SEC16A: variants seen among roughly 807,000 people sequenced by gnomAD.
The protein encoded by SEC16A is SEC16 homolog A, endoplasmic reticulum export factor.
Under a neutral mutation model 221.9 loss-of-function variants are expected in SEC16A, and 110 were observed. That is an observed-to-expected ratio of 0.50 (90% CI 0.42 to 0.58). The LOEUF (loss-of-function observed/expected upper bound fraction) is 0.58, where lower values mean the gene tolerates loss of function less well. SEC16A is among the 20% of genes least tolerant of loss of function. The pLI, the probability that SEC16A is intolerant of heterozygous loss-of-function variation, is 0.00. For synonymous variants in SEC16A, 1,393 were observed against 1,257.7 expected, an observed-to-expected ratio of 1.11 and a Z score of -2.28; for missense variants, 3,165 against 3,097.8, an observed-to-expected ratio of 1.02 and a Z score of -0.52.
chr9:136,452,250 C>G (rs1232224962), intron 22 of SEC16A, among the ~76,000 whole-genome samples: 1 of 149,436 alleles, frequency 6.7e-6, no homozygotes, highest in Non-Finnish European at 1.5e-5. Flanking sequence ...AGTTCAAGAT[C>G]AGCCTGGCCA....
chr9:136,457,639 G>A (rs140640821), intron 17 of SEC16A, 55 bp from the exon 18 acceptor site: 177 of 1,563,240 alleles, frequency 1.1e-4, no homozygotes, highest in African/African-American at 1.5e-4. Context: ...GAGCATCGCC[G>A]ATGGACAAAG....
chr9:136,479,852 A>C (rs1842101150), intron 1 of SEC16A, among the ~76,000 whole-genome samples: 1 of 152,016 alleles, frequency 6.6e-6, no homozygotes, highest in Admixed American at 6.6e-5. Flanking sequence ...ACCAAAAAAA[A>C]AATGCCGGTC....
At position 136,471,632 on chromosome 9, in the gene SEC16A, T is replaced by C. The variant is rs896572989; in HGVS notation, c.3704+343A>G. Among the ~76,000 whole-genome samples, 6 of 152,068 alleles carry C rather than the reference T, an allele frequency of 3.9e-5. No homozygotes were observed. In the East Asian group the frequency reaches 1.2e-3, roughly 29 times the overall value. ...TCTCTGGGGAGCCTGAACACCCCAT[T>C]AGCAAATGGCCGGACCAACAGACGT... is the stretch of plus-strand genomic sequence containing the variant. On this transcript the variant is annotated intron_variant, in intron 4 of 31. Coordinates refer to ENST00000684901, the MANE Select transcript of SEC16A (RefSeq NM_014866.2).
At chr9:136,450,997 G>A (rs1309960378) in intron 23 of SEC16A, among the ~76,000 whole-genome samples, 2 of 152,330 alleles carry the variant, frequency 1.3e-5, no homozygotes, top group East Asian at 3.9e-4. Flanking sequence ...CCTTGCGGGT[G>A]GGTCTGACAG....
At chr9:136,472,757 T>G (rs922685809) in intron 3 of SEC16A, among the ~76,000 whole-genome samples, 1 of 152,238 alleles carries the variant, frequency 6.6e-6, no homozygotes, top group Non-Finnish European at 1.5e-5. Context: ...GAATTCACGC[T>G]TAAGCGCCTC....
In SEC16A at chr9:136,451,341, G is replaced by T; in HGVS notation, c.6227C>A (p.Thr2076Lys). 1.9e-6 allele frequency: 3 copies of T among 1,613,772 alleles called. No individual in the cohort carries two copies. Among genetic ancestry groups the T allele is most frequent in the African/African-American group, 1.3e-5 (1 of 75,068 alleles). The change falls in exon 23 of 32, where the codon ACG (threonine) becomes AAG (lysine). Residue 2076 changes from threonine (T) to lysine (K), a missense_variant. By Grantham distance (78) the Thr-to-Lys change is moderately conservative (BLOSUM62 -1). This residue lies in a region of SEC16A where 1,088 missense variants were observed against 1,089.6 expected (regional missense o/e 1.00). Transcript: ENST00000684901. ...GGGTGAGAGAGACAGAGGTGGCTGC[G>T]TGGGACCCGAGTCGGCACGATCCCA... Reference protein sequence around the residue: ...PGWDRADSGPTQPPLSLSPAP... With the variant: ...PGWDRADSGPKQPPLSLSPAP...
Position 136,475,329 on chromosome 9 carries a change from CT to C in SEC16A, c.2286del (p.Glu763ArgfsTer67), listed in dbSNP as rs759863685. On this transcript the variant is annotated frameshift_variant, in exon 3 of 32. Coordinates refer to ENST00000684901, the MANE Select transcript of SEC16A (RefSeq NM_014866.2). LOFTEE classifies it high-confidence loss of function. The surrounding 1 kb of genome is among the most constrained non-coding windows in gnomAD (Gnocchi z 5.0). The part of the protein sequence containing the change: ...KPQPPVVQPP[E>X]EAMSGQQSRN... Reference sequence around the variant, plus strand: ...CGTGACTGCTGCCCGGACATCGCCTCTTCTGGAGGCTGAACAACAGGTGGCT... The same window carrying C: ...CGTGACTGCTGCCCGGACATCGCCTCTCTGGAGGCTGAACAACAGGTGGCT... 1 of 1,611,720 alleles carries C rather than the reference CT, an allele frequency of 6.2e-7. No homozygotes were observed. Among genetic ancestry groups the C allele is most frequent in the Admixed American group, 1.7e-5 (1 of 59,926 alleles).
At chr9:136,460,802 A>G (rs1423140610) in intron 13 of SEC16A, among the ~76,000 whole-genome samples, 2 of 152,036 alleles carry the variant, frequency 1.3e-5, no homozygotes, top group Non-Finnish European at 2.9e-5. Flanking sequence ...GGTCTCAACT[A>G]CTTGGGAGGC....
chr9:136,473,267 T>C (rs1588992741), intron 3 of SEC16A, among the ~76,000 whole-genome samples: 1 of 152,242 alleles, frequency 6.6e-6, no homozygotes, highest in African/African-American at 2.4e-5. Flanking sequence ...GGTTTTCCAA[T>C]TCCCTATCAC....
chr9:136,461,139 A>G (rs2132342335), intron 13 of SEC16A, 38 bp downstream of exon 13: 1 of 1,520,168 alleles, frequency 6.6e-7, no homozygotes, highest in East Asian at 2.4e-5. Flanking sequence ...GGGAGCCAGC[A>G]GGGCTCGCCA....
intron 28 of SEC16A, 113 bp from the exon 29 acceptor site, chr9:136,445,832 C>T (rs1221661063): frequency 2.2e-5 from 20 of 892,908 alleles, no homozygotes; most frequent in Admixed American, 5.2e-5. Context: ...CCCTCTTCCA[C>T]GTAAAGTGCT....
intron 1 of SEC16A, among the ~76,000 whole-genome samples, chr9:136,480,812 C>T (rs1002088385): frequency 1.3e-5 from 2 of 152,100 alleles, no homozygotes; most frequent in African/African-American, 4.8e-5. Context: ...ATGGCGTAAA[C>T]CTGGGAGGCG....
intron 31 of SEC16A, among the ~76,000 whole-genome samples, chr9:136,442,095 C>A (rs979564663): frequency 1.3e-5 from 2 of 152,190 alleles, no homozygotes; most frequent in Admixed American, 1.3e-4. Flanking sequence ...GCCATGAGAC[C>A]TGGAGCTGCT....
chr9:136,474,142 G>C lies in SEC16A; in HGVS notation c.3474C>G (p.Ala1158=). 2 of 1,613,352 alleles carry C rather than the reference G, an allele frequency of 1.2e-6. No individual in the cohort carries two copies. Among genetic ancestry groups the C allele is most frequent in the Non-Finnish European group, 1.7e-6 (2 of 1,179,880 alleles). ...APGPPPQDLA[A]YYYYRPLYDA... ...CGTACAAAGGCCGGTAGTAGTAGTA[G>C]GCGGCCAGGTCCTGAGGCGGTGGGC... Residue 1158 remains alanine (A), a synonymous_variant, in exon 3 of 32, where the codon GCC becomes GCG. Coordinates refer to ENST00000684901, the MANE Select transcript of SEC16A (RefSeq NM_014866.2).
rs1476551123 is a variant in SEC16A, at chr9:136,468,627, A to G, written c.3705-115T>C. 3 of 636,856 alleles carry G rather than the reference A, an allele frequency of 4.7e-6. No individual in the cohort carries two copies. In the East Asian group the frequency reaches 8.6e-5, roughly 18 times the overall value. The allele number at this position is 636,856 out of a possible 1,614,324, so 39.5% of individuals were successfully genotyped here. A position where few individuals can be genotyped will look rare whatever the true frequency, so the allele number is the denominator to read the frequency against. ...GCATTCATCAAAGCACTTTGGTTGT[A>G]CAAAAATTCCAATTAGAAGATTCAA... On this transcript the variant is annotated intron_variant, in intron 4 of 31. Coordinates refer to ENST00000684901, the MANE Select transcript of SEC16A (RefSeq NM_014866.2).
Position 136,474,432 on chromosome 9 carries a change from C to G in SEC16A, c.3184G>C (p.Val1062Leu). 1 of 1,613,098 alleles carries G rather than the reference C, an allele frequency of 6.2e-7. No homozygotes were observed. Residue 1062 changes from valine (V) to leucine (L), a missense_variant, in exon 3 of 32, where the codon GTG becomes CTG. Around this residue, in one of 3 missense-constraint regions of SEC16A, gnomAD observed 2,030 missense variants for 1,923.1 expected, o/e 1.06. Coordinates refer to ENST00000684901, the MANE Select transcript of SEC16A (RefSeq NM_014866.2). ...PGLERAQQEL[V>L]PPQQQASPPQ... is the part of the protein sequence containing the mutation. The stretch of plus-strand genomic sequence containing the variant: ...GGAGAAGCCTGTTGCTGGGGTGGCA[C>G]CAGCTCCTGCTGGGCTCTTTCGAGG...
rs1331766894 is a variant in SEC16A at position 136,472,042 on chromosome 9, A to G, written c.3637T>C (p.Tyr1213His). The G allele has an allele frequency of 6.2e-7, 1 of 1,613,152 alleles. No individual in the cohort carries two copies. The highest frequency in any genetic ancestry group is 8.5e-7 in the Non-Finnish European group (1 of 1,179,878). The change falls in exon 4 of 32, where the codon TAC becomes CAC. Residue 1213 changes from tyrosine (Y) to histidine (H), a missense_variant. This residue lies in a region of SEC16A where 2,030 missense variants were observed against 1,923.1 expected (regional missense o/e 1.06). Coordinates refer to ENST00000684901, the MANE Select transcript of SEC16A (RefSeq NM_014866.2). ...DGAASAYAQN[Y>H]RYPEPERPSS... ...GGCCGCTCGGGCTCGGGATAGCGGT[A>G]GTTCTGGGCGTAAGCAGACGCAGCA... is the stretch of plus-strand genomic sequence containing the variant.
At position 136,462,931 on chromosome 9, in the gene SEC16A, C is replaced by G; in HGVS notation, c.4849G>C (p.Glu1617Gln). Reference sequence around the variant, plus strand: ...AACAGCTCCCTGAACCTCTCGGTCTCTCTCTCGAGCGAGCTGGCGGCAGCC... The same window carrying G: ...AACAGCTCCCTGAACCTCTCGGTCTGTCTCTCGAGCGAGCTGGCGGCAGCC... ...PAAAASSLER[E>Q]TERFRELLLY... The change falls in exon 12 of 32, where the codon GAG (glutamate) becomes CAG (glutamine). Residue 1617 changes from glutamate to glutamine, a missense_variant. Physicochemically the swap from Glu to Gln is conservative, Grantham distance 29. This residue lies in a region of SEC16A where 1,088 missense variants were observed against 1,089.6 expected (regional missense o/e 1.00). Transcript: ENST00000684901. 6.2e-7 allele frequency: 1 copy of G among 1,604,256 alleles called. No homozygotes were observed. The highest frequency in any genetic ancestry group is 2.2e-5 in the East Asian group (1 of 44,890).
Position 136,446,965 on chromosome 9 carries a change from C to A in SEC16A, c.6698-16G>T. The A allele has an allele frequency of 6.2e-7, 1 of 1,613,352 alleles. No homozygotes were observed. Among genetic ancestry groups the A allele is most frequent in the African/African-American group, 1.3e-5 (1 of 75,010 alleles). ...TCTTCTGCATCTGGGGATGAGAGAGCGAGGAGGCCATCATTCCGTCCCGAA... is the reference window on the plus strand; with the variant it reads ...TCTTCTGCATCTGGGGATGAGAGAGAGAGGAGGCCATCATTCCGTCCCGAA... On this transcript the variant is annotated splice_polypyrimidine_tract_variant and intron_variant, in intron 27 of 31. Coordinates refer to ENST00000684901, the MANE Select transcript of SEC16A (RefSeq NM_014866.2).
Sources: allele counts gnomAD v4.1 joint callset (sites outside exome capture counted in the v4.1 genomes callset), GRCh38; gene constraint gnomAD v4.1.1; regional missense constraint gnomAD v4.1.1; non-coding constraint Gnocchi (gnomAD v3.1); transcripts MANE v1.5; gene names NCBI Gene and HGNC (gene_info 2026-07-23, HGNC 2026-07-21).